Variants in DMD observed in about 807,000 individuals in gnomAD.
The protein encoded by DMD is dystrophin.
DMD carries 63 observed loss-of-function variants against 330.1 expected under a neutral mutation model. That is an observed-to-expected ratio of 0.19 (90% CI 0.16 to 0.24). DMD has a LOEUF of 0.24. Among genes scored for constraint, DMD ranks in the 10% least tolerant of loss-of-function variants. DMD has a pLI of 1.00. For synonymous variants in DMD, 1,223 were observed against 959.8 expected, an observed-to-expected ratio of 1.27 and a Z score of -5.07; for missense variants, 3,344 against 2,684.1, an observed-to-expected ratio of 1.25 and a Z score of -5.43.
intron 61 of DMD, among the ~76,000 whole-genome samples, chrX:31,344,021 C>A (rs1479384496): frequency 7.3e-5 from 6 of 82,742 alleles, no homozygotes; most frequent in Non-Finnish European, 1.4e-4. Context: ...CTTGCTCTGT[C>A]ACACAGATTG....
At chrX:32,782,788 T>G (rs930393477) in intron 7 of DMD, among the ~76,000 whole-genome samples, 1 of 109,583 alleles carries the variant, frequency 9.1e-6, no homozygotes, top group African/African-American at 3.3e-5. Flanking sequence ...GATAAATGCT[T>G]GAGGTGACAT....
chrX:32,538,297 T>A (rs898590978), intron 17 of DMD, among the ~76,000 whole-genome samples: 1 of 111,731 alleles, frequency 9.0e-6, no homozygotes, highest in African/African-American at 3.3e-5. Context: ...CATTCCACCA[T>A]TGTGATTTGT....
chrX:32,403,035 G>T (rs1055250675), intron 30 of DMD, among the ~76,000 whole-genome samples: 1 of 111,724 alleles, frequency 9.0e-6, no homozygotes, highest in Non-Finnish European at 1.9e-5. Context: ...TTAGAAATCT[G>T]CTGGGTGGCC....
intron 41 of DMD, among the ~76,000 whole-genome samples, chrX:32,324,681 A>T (rs2097641356): frequency 8.9e-6 from 1 of 111,829 alleles, no homozygotes; most frequent in Non-Finnish European, 1.9e-5. Flanking sequence ...AGAACATGAT[A>T]AAATCATAGC....
At chrX:32,838,367 G>T (rs1054656300) in intron 4 of DMD, among the ~76,000 whole-genome samples, 1 of 110,918 alleles carries the variant, frequency 9.0e-6, no homozygotes, top group Non-Finnish European at 1.9e-5. Flanking sequence ...ACCTACATTA[G>T]GTATTTCTCC....
rs752774864 is a variant in DMD, at chrX:32,343,167, G to T, written c.5706C>A (p.Ser1902Arg). ...TCCTTTCATCTCTGGGCTCAGGTAG[G>T]CTGGCTAATTTTTTTTCAATGTCAT... ...CLDDIEKKLA[S>R]LPEPRDERKI... Residue 1902 changes from serine (S) to arginine (R), a missense_variant, in exon 40 of 79, where the codon AGC (serine) becomes AGA (arginine). Physicochemically the swap from Ser to Arg is moderately radical, Grantham distance 110. Transcript: ENST00000357033. 4.1e-6 allele frequency: 5 copies of T among 1,208,494 alleles called. No individual in the cohort carries two copies. In the Admixed American group the frequency reaches 8.8e-5, roughly 21 times the overall value.
chrX:33,261,432 C>T (rs1009230382), intron 1 of DMD, among the ~76,000 whole-genome samples: 1 of 110,763 alleles, frequency 9.0e-6, no homozygotes, highest in Non-Finnish European at 1.9e-5. Flanking sequence ...GTAGTGGCTT[C>T]GCATTTAGAT....
At chrX:32,633,886 C>T (rs146878620) in intron 11 of DMD, among the ~76,000 whole-genome samples, 5,536 of 111,110 alleles carry the variant, frequency 0.05, 315 homozygotes, top group African/African-American at 0.17. Context: ...ACAGTAGCAA[C>T]CAATTATGAA....
intron 60 of DMD, among the ~76,000 whole-genome samples, chrX:31,411,873 A>T (rs1321169978): frequency 9.1e-6 from 1 of 110,013 alleles, no homozygotes; most frequent in Admixed American, 9.6e-5. Context: ...ACCTCAAGTG[A>T]TCCCCCTGCC....
chrX:31,328,186 A>G (rs924288345), intron 61 of DMD, among the ~76,000 whole-genome samples: 1 of 112,357 alleles, frequency 8.9e-6, no homozygotes, highest in Middle Eastern at 4.6e-3. Context: ...GCCACAGTGA[A>G]CATCTTTGTA....
chrX:31,746,983 T>G (rs1222506075), intron 51 of DMD, among the ~76,000 whole-genome samples: 2 of 111,715 alleles, frequency 1.8e-5, no homozygotes, highest in African/African-American at 6.5e-5. Context: ...TTCTCAGCAG[T>G]TGTCTGGGAG....
intron 12 of DMD, among the ~76,000 whole-genome samples, chrX:32,613,221 T>G (rs920827344): frequency 9.0e-6 from 1 of 111,560 alleles, no homozygotes; most frequent in Admixed American, 9.6e-5. Context: ...TACATTTAAG[T>G]AGGCTTCTTT....
At chrX:32,581,086 A>G (rs1407776548) in intron 13 of DMD, among the ~76,000 whole-genome samples, 2 of 112,125 alleles carry the variant, frequency 1.8e-5, no homozygotes, top group Non-Finnish European at 3.8e-5. Context: ...TCGGCCTCGC[A>G]AAGTGCTGGG....
At chrX:31,399,748 G>A (rs2061104276) in intron 60 of DMD, among the ~76,000 whole-genome samples, 1 of 111,571 alleles carries the variant, frequency 9.0e-6, no homozygotes, top group Admixed American at 9.5e-5. Context: ...TGATAAAGAT[G>A]GATAAAAGTC....
intron 29 of DMD, among the ~76,000 whole-genome samples, chrX:32,434,925 T>C (rs1401053191): frequency 9.0e-6 from 1 of 111,054 alleles, no homozygotes; most frequent in African/African-American, 3.3e-5. Flanking sequence ...TATGCTTTAT[T>C]TTCATTGTCA....
intron 41 of DMD, among the ~76,000 whole-genome samples, chrX:32,335,915 A>G (rs1281773174): frequency 9.4e-6 from 1 of 106,238 alleles, no homozygotes; most frequent in Admixed American, 1.0e-4. Context: ...TAACGTGTAT[A>G]TATGTATGTT....
intron 61 of DMD, 75 bp downstream of exon 61, chrX:31,348,481 T>C: frequency 1.1e-6 from 1 of 897,208 alleles, no homozygotes; most frequent in Non-Finnish European, 1.6e-6. Flanking sequence ...CTCTTAATTC[T>C]TTTGTTTTTT....
chrX:32,476,329 T>G (rs939234503), intron 21 of DMD, among the ~76,000 whole-genome samples: 2 of 111,671 alleles, frequency 1.8e-5, no homozygotes, highest in Non-Finnish European at 3.8e-5. Context: ...ACATGCATAT[T>G]TTAATTCCTC....
chrX:32,880,519 G>A (rs775915688), intron 2 of DMD, among the ~76,000 whole-genome samples: 5 of 111,532 alleles, frequency 4.5e-5, no homozygotes, highest in South Asian at 3.8e-4. Context: ...GCATACCCCC[G>A]TGGTAGGACA....
Sources: gnomAD v4.1 joint callset for allele counts (sites outside exome capture counted in the v4.1 genomes callset) on GRCh38, gnomAD v4.1.1 for gene constraint, MANE v1.5 for transcripts, NCBI Gene and HGNC (gene_info 2026-07-23, HGNC 2026-07-21) for gene names.